PRUNE2: variants seen among roughly 807,000 people sequenced by gnomAD.
PRUNE2 encodes prune homolog 2 with BCH domain.
A neutral mutation model predicts 252.0 loss-of-function variants in PRUNE2; 164 were observed. The observed-to-expected ratio is 0.65, with a 90% CI of 0.57 to 0.74. PRUNE2 has a LOEUF of 0.74. PRUNE2 is among the 30% of genes least tolerant of loss of function. The pLI, the probability that PRUNE2 is intolerant of heterozygous loss-of-function variation, is 0.00. For synonymous variants in PRUNE2, 1,292 were observed against 1,350.2 expected (o/e 0.96, Z 0.94); for missense variants, 3,495 against 3,711.0 (o/e 0.94, Z 1.51).
chr9:76,782,010 T>A (rs555280698), intron 6 of PRUNE2, among the ~76,000 whole-genome samples: 1 of 152,012 alleles, frequency 6.6e-6, no homozygotes, highest in South Asian at 2.1e-4. Context: ...GTCAGGAGAT[T>A]GAGACCATCC....
At chr9:76,774,729 G>T (rs1334246071) in intron 6 of PRUNE2, among the ~76,000 whole-genome samples, 2 of 152,056 alleles carry the variant, frequency 1.3e-5, no homozygotes, top group Non-Finnish European at 2.9e-5. Context: ...AAAGTGCTGG[G>T]ATTACAAGTG....
chr9:76,879,195 G>A (rs756837538), intron 1 of PRUNE2, among the ~76,000 whole-genome samples: 25 of 152,204 alleles, frequency 1.6e-4, no homozygotes, highest in Admixed American at 4.6e-4. Flanking sequence ...AAATCTCCAC[G>A]TGTATGTGGT....
chr9:76,644,967 A>G (rs1415929198), intron 11 of PRUNE2, 58 bp from the exon 12 acceptor site: 9 of 1,490,960 alleles, frequency 6.0e-6, no homozygotes, highest in Non-Finnish European at 8.2e-6. Context: ...CAGTGCAGCT[A>G]AACAGCCAAA....
At chr9:76,844,008 G>A (rs376709556) in intron 4 of PRUNE2, among the ~76,000 whole-genome samples, 3 of 152,176 alleles carry the variant, frequency 2.0e-5, no homozygotes, top group African/African-American at 7.2e-5. Context: ...GATTACAGGC[G>A]TGAGCCACCA....
intron 1 of PRUNE2, among the ~76,000 whole-genome samples, chr9:76,885,069 G>T (rs2062011975): frequency 6.6e-6 from 1 of 152,206 alleles, no homozygotes; most frequent in African/African-American, 2.4e-5. Context: ...CACCATAGAG[G>T]TTATTTACCC....
At chr9:76,680,458 C>T (rs1157184644) in intron 9 of PRUNE2, among the ~76,000 whole-genome samples, 2 of 152,120 alleles carry the variant, frequency 1.3e-5, no homozygotes, top group Non-Finnish European at 2.9e-5. Flanking sequence ...TAAAATGATG[C>T]AGCCTCTTTT....
At chr9:76,875,959 G>A (rs2061454261) in intron 1 of PRUNE2, among the ~76,000 whole-genome samples, 3 of 152,208 alleles carry the variant, frequency 2.0e-5, no homozygotes, top group Admixed American at 2.0e-4. Flanking sequence ...TTATCAGGTA[G>A]ATCTGGAGTG....
At chr9:76,860,993 G>C (rs1483695358) in intron 1 of PRUNE2, among the ~76,000 whole-genome samples, 1 of 152,172 alleles carries the variant, frequency 6.6e-6, no homozygotes, top group African/African-American at 2.4e-5. Flanking sequence ...ACGATTCTAA[G>C]TAAGAAGACT....
intron 1 of PRUNE2, among the ~76,000 whole-genome samples, chr9:76,902,042 G>T (rs2063208658): frequency 6.6e-6 from 1 of 152,134 alleles, no homozygotes; most frequent in Non-Finnish European, 1.5e-5. Context: ...CACCTGGGGG[G>T]GTCTGGGCAG....
intron 6 of PRUNE2, among the ~76,000 whole-genome samples, chr9:76,770,224 C>T (rs924148698): frequency 6.6e-6 from 1 of 152,124 alleles, no homozygotes; most frequent in Admixed American, 6.5e-5. Context: ...TTTACCCTTA[C>T]ACTTGTTTTC....
chr9:76,749,684 T>C (rs1008852470), intron 6 of PRUNE2, among the ~76,000 whole-genome samples: 1 of 152,204 alleles, frequency 6.6e-6, no homozygotes, highest in Non-Finnish European at 1.5e-5. Flanking sequence ...TTGACTTTAC[T>C]GCGTCAGGTG....
At chr9:76,672,770 C>T (rs1322410309) in intron 9 of PRUNE2, among the ~76,000 whole-genome samples, 5 of 137,686 alleles carry the variant, frequency 3.6e-5, no homozygotes, top group African/African-American at 1.4e-4. Context: ...CGCTCAACTA[C>T]ATGGAAACTG....
intron 1 of PRUNE2, among the ~76,000 whole-genome samples, chr9:76,864,692 GACAA>G (rs995118627): frequency 2.6e-5 from 4 of 152,252 alleles, no homozygotes; most frequent in South Asian, 2.1e-4. Context: ...TTTTTAAAAA[GACAA>G]ACAACCCAAT....
Position 76,854,251 on chromosome 9 carries a change from A to G in PRUNE2, c.37-43T>C, listed in dbSNP as rs1437809320. ...GAAACATCACAATTTAACAGGTGACAGATTAATATAAACATATTTTTAATA... is the reference window on the plus strand; with the variant it reads ...GAAACATCACAATTTAACAGGTGACGGATTAATATAAACATATTTTTAATA... On this transcript the variant is annotated intron_variant, in intron 1 of 18. Transcript: ENST00000376718. The G allele has an allele frequency of 3.9e-6, 4 of 1,032,056 alleles. No homozygotes were observed. In the African/African-American group the frequency reaches 4.8e-5, roughly 12 times the overall value. The allele number at this position is 1,032,056 out of a possible 1,614,324, so 63.9% of individuals were successfully genotyped here.
chr9:76,831,296 G>A (rs183484260), intron 4 of PRUNE2, among the ~76,000 whole-genome samples: 20 of 111,222 alleles, frequency 1.8e-4, no homozygotes, highest in African/African-American at 4.8e-4. Flanking sequence ...GAAAGTATGC[G>A]TCACAAGATC....
intron 4 of PRUNE2, among the ~76,000 whole-genome samples, chr9:76,836,448 G>A (rs931157539): frequency 6.6e-6 from 1 of 151,486 alleles, no homozygotes; most frequent in African/African-American, 2.4e-5. Flanking sequence ...AAGAAACAAA[G>A]AAGAACCTCA....
At chr9:76,745,676 A>T (rs771224212) in intron 6 of PRUNE2, among the ~76,000 whole-genome samples, 2 of 152,200 alleles carry the variant, frequency 1.3e-5, no homozygotes, top group Non-Finnish European at 2.9e-5. Flanking sequence ...TTTGAGTAAC[A>T]GTAAAACTCT....
At chr9:76,669,005 T>C (rs2040778385) in intron 9 of PRUNE2, among the ~76,000 whole-genome samples, 1 of 151,472 alleles carries the variant, frequency 6.6e-6, no homozygotes, top group African/African-American at 2.4e-5. Flanking sequence ...TGTGTGTGCA[T>C]GTCCTAATCT....
At chr9:76,838,572 A>T (rs552964059) in intron 4 of PRUNE2, among the ~76,000 whole-genome samples, 1 of 150,168 alleles carries the variant, frequency 6.7e-6, no homozygotes, top group African/African-American at 2.5e-5. Context: ...TTGAACCTAG[A>T]AGGCGGAGGT....
Sources: allele counts gnomAD v4.1 joint callset (sites outside exome capture counted in the v4.1 genomes callset), GRCh38; gene constraint gnomAD v4.1.1; transcripts MANE v1.5; gene names NCBI Gene and HGNC (gene_info 2026-07-23, HGNC 2026-07-21).